The following NCAM1 variants were observed in gnomAD, a reference collection of about 807,000 sequenced individuals.
NCAM1 encodes antigen recognized by monoclonal antibody 5.1H11.
In NCAM1, 14 loss-of-function variants were observed where a neutral mutation model predicts 109.8. The observed-to-expected ratio is 0.13, with a 90% CI of 0.08 to 0.20. The LOEUF (loss-of-function observed/expected upper bound fraction) is 0.20. NCAM1 is among the 10% of genes least tolerant of loss of function. NCAM1 has a pLI of 1.00. For missense variants in NCAM1, 774 were observed against 1,109.9 expected (o/e 0.70, Z 4.30); for synonymous variants, 418 against 442.9 (o/e 0.94, Z 0.70).
At chr11:113,190,455 G>A (rs950646018) in intron 1 of NCAM1, among the ~76,000 whole-genome samples, 1 of 152,184 alleles carries the variant, frequency 6.6e-6, no homozygotes, top group African/African-American at 2.4e-5. Context: ...GGATGTGCCA[G>A]CACCGCCCCA....
intron 1 of NCAM1, among the ~76,000 whole-genome samples, chr11:113,142,612 G>A (rs1159919531): frequency 6.6e-6 from 1 of 152,098 alleles, no homozygotes; most frequent in Non-Finnish European, 1.5e-5. Flanking sequence ...GTAGCTGGGT[G>A]CCCTCTTACT....
At chr11:113,221,538 A>G (rs556829073) in intron 9 of NCAM1, 45 of 504,008 alleles carry the variant, frequency 8.9e-5, no homozygotes, top group Non-Finnish European at 1.4e-4. Flanking sequence ...ATTATTTCCT[A>G]AAACTGGATC....
intron 1 of NCAM1, among the ~76,000 whole-genome samples, chr11:112,991,158 G>A (rs1242646853): frequency 2.0e-5 from 3 of 152,160 alleles, no homozygotes; most frequent in African/African-American, 7.2e-5. Flanking sequence ...GATTGGAACT[G>A]AGAATTAATA....
At chr11:113,227,906 A>G (rs1382403331) in intron 9 of NCAM1, among the ~76,000 whole-genome samples, 1 of 152,242 alleles carries the variant, frequency 6.6e-6, no homozygotes, top group Non-Finnish European at 1.5e-5. Context: ...AAAACTCTCA[A>G]TAAATTGGTA....
At position 113,202,329 on chromosome 11, in the gene NCAM1, T is replaced by TG. The variant is rs201978903; in HGVS notation, c.53-47dup. 28 of 1,500,584 alleles carry TG rather than the reference T, an allele frequency of 1.9e-5. No homozygotes were observed. The East Asian group carries it at 2.4e-4, about 13-fold the overall frequency. 93.0% of individuals were successfully genotyped at this position (1,500,584 alleles called of 1,614,324 possible). On this transcript the variant is annotated intron_variant, in intron 1 of 19. Coordinates refer to ENST00000316851, the MANE Select transcript of NCAM1 (RefSeq NM_181351.5). ...GAATGTACGTTTGAACTGAACTTTGTGGGTTTTTTTTTGTTTTTTGTTTTG... is the reference window on the plus strand; with the variant it reads ...GAATGTACGTTTGAACTGAACTTTGTGGGGTTTTTTTTTGTTTTTTGTTTTG...
chr11:113,063,685 T>C (rs1186883866), intron 1 of NCAM1, among the ~76,000 whole-genome samples: 1 of 152,192 alleles, frequency 6.6e-6, no homozygotes, highest in Non-Finnish European at 1.5e-5. Context: ...GATGGACCCA[T>C]AAGCCCTTCC....
chr11:113,103,782 T>C (rs1453364931), intron 1 of NCAM1, among the ~76,000 whole-genome samples: 1 of 152,148 alleles, frequency 6.6e-6, no homozygotes, highest in Non-Finnish European at 1.5e-5. Flanking sequence ...ACTGTGCCTT[T>C]ATAGCCCTGA....
chr11:113,035,075 G>A (rs905274768), intron 1 of NCAM1, among the ~76,000 whole-genome samples: 18 of 152,086 alleles, frequency 1.2e-4, no homozygotes, highest in African/African-American at 3.9e-4. Context: ...AATTTGTAGA[G>A]ACAAGAAAAT....
intron 1 of NCAM1, among the ~76,000 whole-genome samples, chr11:113,044,009 T>C (rs544698998): frequency 9.2e-5 from 14 of 152,312 alleles, no homozygotes; most frequent in Admixed American, 3.9e-4. Flanking sequence ...ATGTTTTCAT[T>C]ATAATATTTA....
intron 8 of NCAM1, among the ~76,000 whole-genome samples, chr11:113,219,076 C>G (rs547909713): frequency 1.3e-5 from 2 of 152,276 alleles, no homozygotes; most frequent in South Asian, 4.1e-4. Flanking sequence ...TTGAACATCT[C>G]TATGCCTTTG....
At chr11:113,103,854 G>A (rs1386890437) in intron 1 of NCAM1, among the ~76,000 whole-genome samples, 3 of 152,090 alleles carry the variant, frequency 2.0e-5, no homozygotes, top group African/African-American at 7.2e-5. Flanking sequence ...CTTTCATTTA[G>A]AGGCACTAAA....
chr11:113,159,889 A>T (rs918537036), intron 1 of NCAM1, among the ~76,000 whole-genome samples: 2 of 126,296 alleles, frequency 1.6e-5, no homozygotes, highest in Non-Finnish European at 3.1e-5. Flanking sequence ...CTGGTGTGTG[A>T]TGTTATTACA....
intron 1 of NCAM1, among the ~76,000 whole-genome samples, chr11:113,084,582 G>A (rs568768781): frequency 1.2e-4 from 18 of 152,266 alleles, no homozygotes; most frequent in Admixed American, 8.5e-4. Context: ...GCATCTTACC[G>A]TGGATGGGTT....
At chr11:113,248,831 C>A (rs1945576726) in intron 15 of NCAM1, among the ~76,000 whole-genome samples, 1 of 152,174 alleles carries the variant, frequency 6.6e-6, no homozygotes, top group Non-Finnish European at 1.5e-5. Context: ...GCCTACAGGG[C>A]TTGGCCTGTA....
At chr11:112,991,580 G>T (rs1951458748) in intron 1 of NCAM1, among the ~76,000 whole-genome samples, 1 of 152,114 alleles carries the variant, frequency 6.6e-6, no homozygotes, top group Non-Finnish European at 1.5e-5. Flanking sequence ...TTTACATGAA[G>T]AAGTGAAGTG....
chr11:113,236,337 A>C, intron 14 of NCAM1: 2 of 1,610,582 alleles, frequency 1.2e-6, no homozygotes, highest in Non-Finnish European at 1.7e-6. Flanking sequence ...TTCATACCTC[A>C]TTACCTGTTT....
chr11:113,023,498 C>T (rs782126513), intron 1 of NCAM1, among the ~76,000 whole-genome samples: 8 of 152,302 alleles, frequency 5.3e-5, no homozygotes, highest in South Asian at 2.1e-4. Flanking sequence ...CAATGACCAT[C>T]TCCAGGAATA....
intron 1 of NCAM1, among the ~76,000 whole-genome samples, chr11:113,117,144 A>G (rs1392222000): frequency 6.6e-6 from 1 of 152,006 alleles, no homozygotes; most frequent in African/African-American, 2.4e-5. Context: ...CTCTCTAAAC[A>G]GACTTTTTTT....
chr11:113,050,800 A>G (rs10891498), intron 1 of NCAM1, among the ~76,000 whole-genome samples: 67,102 of 152,026 alleles, frequency 0.44, 15,798 homozygotes, highest in East Asian at 0.81. Flanking sequence ...AATCAATGGT[A>G]ATAAATATAT....
Sources: gnomAD v4.1 joint callset for allele counts (sites outside exome capture counted in the v4.1 genomes callset) on GRCh38, gnomAD v4.1.1 for gene constraint, MANE v1.5 for transcripts, NCBI Gene and HGNC (gene_info 2026-07-23, HGNC 2026-07-21) for gene names.